Variants in ANKRD23 observed in about 807,000 individuals in gnomAD.
ANKRD23 encodes the protein ankyrin repeat domain-containing protein 23.
Under a neutral mutation model 38.1 loss-of-function variants are expected in ANKRD23, and 52 were observed. The observed-to-expected ratio is 1.36, with a 90% confidence interval of 1.09 to 1.72. The LOEUF is 1.72. ANKRD23 is among the 40% of genes most tolerant of loss of function. The pLI, the probability that ANKRD23 is intolerant of heterozygous loss-of-function variation, is 0.00. For synonymous variants in ANKRD23, 167 were observed against 162.9 expected, an observed-to-expected ratio of 1.03 and a Z score of -0.19; for missense variants, 416 against 400.2, an observed-to-expected ratio of 1.04 and a Z score of -0.34.
Position 96,838,701 on chromosome 2 carries a change from C to T in ANKRD23, c.*848G>A, listed in dbSNP as rs2079721055. On this transcript the variant is annotated 3_prime_UTR_variant, in exon 9 of 9. Coordinates refer to ENST00000318357, the MANE Select transcript of ANKRD23 (RefSeq NM_144994.8). The stretch of plus-strand genomic sequence containing the variant: ...AGAGTTGAGTGGGCCACAAGCAATC[C>T]CCAGTGCCCAGGCGCTTCCCCATGA... 3.1e-5 allele frequency: 31 copies of T among 985,650 alleles called. 3 individuals are homozygous for T. The African/African-American group carries it at 3.7e-4, about 12-fold the overall frequency. The allele number at this position is 985,650 out of a possible 1,614,324, so 61.1% of individuals were successfully genotyped here.
chr2:96,839,709 G>T lies in ANKRD23; in HGVS notation c.822+18C>A. The stretch of plus-strand genomic sequence containing the variant: ...CACCCGCCCTCGGGTCAGGAGCCAG[G>T]GCTGCGCCCACACTCACCGCGTTCC... On this transcript the variant is annotated intron_variant, in intron 8 of 8. Coordinates refer to ENST00000318357, the MANE Select transcript of ANKRD23 (RefSeq NM_144994.8). The T allele has an allele frequency of 6.2e-7, 1 of 1,611,240 alleles. No homozygotes were observed.
chr2:96,840,899 G>A lies in ANKRD23; in HGVS notation c.314C>T (p.Ala105Val), dbSNP rs2079752923. 1 of 1,613,962 alleles carries A rather than the reference G, an allele frequency of 6.2e-7. No individual in the cohort carries two copies. Among genetic ancestry groups the A allele is most frequent in the Non-Finnish European group, 8.5e-7 (1 of 1,180,018 alleles). ...CTCCAGGCCCACAGGCTCCACCTGG[G>A]CCTGGGACTGCGGCTGGTTCAGTTG... Reference protein sequence around the residue: ...PEPLVKPQSQAQVEPVGLEMF... With the variant: ...PEPLVKPQSQVQVEPVGLEMF... Residue 105 changes from alanine (A) to valine (V), a missense_variant, in exon 4 of 9, where the codon GCC (alanine) becomes GTC (valine). Physicochemically the swap from Ala to Val is moderately conservative, Grantham distance 64. Coordinates refer to ENST00000318357, the MANE Select transcript of ANKRD23 (RefSeq NM_144994.8).
rs532023178 is a variant in ANKRD23, at chr2:96,838,570, G to A, written c.*979C>T. The stretch of plus-strand genomic sequence containing the variant: ...TGGCCTCCCAGGTGGGATCAAGCAG[G>A]GTGGGTGCAGCTGCAGCGTTCCAGG... On this transcript the variant is annotated 3_prime_UTR_variant, in exon 9 of 9. Coordinates refer to ENST00000318357, the MANE Select transcript of ANKRD23 (RefSeq NM_144994.8). The A allele has an allele frequency of 1.7e-3, 1,666 of 985,818 alleles. 2 individuals are homozygous for A. The highest frequency in any genetic ancestry group is 2.0e-3 in the Non-Finnish European group (1,624 of 830,294). 61.1% of individuals were successfully genotyped at this position (985,818 alleles called of 1,614,324 possible).
intron 1 of ANKRD23, among the ~76,000 whole-genome samples, chr2:96,843,354 G>A (rs566302581): frequency 7.2e-5 from 11 of 152,100 alleles, no homozygotes; most frequent in South Asian, 4.2e-4. Flanking sequence ...CAGGCCCCTC[G>A]TCACTCAAAC....
Position 96,838,490 on chromosome 2 carries a change from G to A in ANKRD23, c.*1059C>T. Reference sequence around the variant, plus strand: ...GGATGGGAAGGGCTGGGGGGCGGCGGGGGCTCACCTTCCTCTGCTTCCCTG... The same window carrying A: ...GGATGGGAAGGGCTGGGGGGCGGCGAGGGCTCACCTTCCTCTGCTTCCCTG... On this transcript the variant is annotated 3_prime_UTR_variant, in exon 9 of 9. Transcript: ENST00000318357. The A allele has an allele frequency of 1.0e-6, 1 of 986,506 alleles. No individual in the cohort carries two copies. The allele number at this position is 986,506 out of a possible 1,614,324, so 61.1% of individuals were successfully genotyped here.
Position 96,840,250 on chromosome 2 carries a change from C to T in ANKRD23, c.606G>A (p.Arg202=), listed in dbSNP as rs750811588. ...ILKQLLNQGA[R]VNARDKIGST... Reference sequence around the variant, plus strand: ...CCCTCACCTTGTCCCGGGCATTGACCCGGGCTCCCTGGTTAAGCAGCTGTT... The same window carrying T: ...CCCTCACCTTGTCCCGGGCATTGACTCGGGCTCCCTGGTTAAGCAGCTGTT... The change falls in exon 6 of 9, where the codon CGG becomes CGA. Residue 202 remains arginine, a synonymous_variant. Transcript: ENST00000318357. The T allele has an allele frequency of 1.2e-6, 2 of 1,611,228 alleles. No homozygotes were observed. Among genetic ancestry groups the T allele is most frequent in the Non-Finnish European group, 1.7e-6 (2 of 1,178,642 alleles).
In ANKRD23 at chr2:96,840,433, C is replaced by T. The variant is rs768240120; in HGVS notation, c.508G>A (p.Val170Met). 5 of 1,614,070 alleles carry T rather than the reference C, an allele frequency of 3.1e-6. No individual in the cohort carries two copies. Among genetic ancestry groups the T allele is most frequent in the Non-Finnish European group, 4.2e-6 (5 of 1,180,026 alleles). The part of the protein sequence containing the change: ...VNKLLVAGAT[V>M]DARDLLDRTP... ...ATCCTCACCAAGTCTCGCGCGTCCACTGTGGCACCTGCCACCAGCAGCTTG... is the reference window on the plus strand; with the variant it reads ...ATCCTCACCAAGTCTCGCGCGTCCATTGTGGCACCTGCCACCAGCAGCTTG... The change falls in exon 5 of 9, where the codon GTG becomes ATG. Residue 170 changes from valine to methionine, a missense_variant. By Grantham distance (21) the Val-to-Met change is conservative. Coordinates refer to ENST00000318357, the MANE Select transcript of ANKRD23 (RefSeq NM_144994.8).
At chr2:96,842,267 G>A (rs1169752776) in intron 2 of ANKRD23, 82 bp from the exon 3 acceptor site, 1 of 1,606,504 alleles carries the variant, frequency 6.2e-7, no homozygotes, top group African/African-American at 1.3e-5. Context: ...GACACCAGCT[G>A]CTCAGGCTGC....
In ANKRD23 at chr2:96,840,061, G is replaced by A. The variant is rs1205358739; in HGVS notation, c.659C>T (p.Thr220Ile). 6.4e-7 allele frequency: 1 copy of A among 1,562,322 alleles called. No homozygotes were observed. Among genetic ancestry groups the A allele is most frequent in the South Asian group, 1.2e-5 (1 of 84,894 alleles). ...GSTPLHVAVR[T>I]RHPDCLEHLI... ...GTGCTCCAGGCAGTCGGGGTGCCGG[G>A]TGCGCACTGCCACGTGCAGGGGGGT... Residue 220 changes from threonine (T) to isoleucine (I), a missense_variant, in exon 7 of 9, where the codon ACC (threonine) becomes ATC (isoleucine). Thr to Ile is a moderately conservative substitution (Grantham distance 89). Transcript: ENST00000318357.
In ANKRD23 at chr2:96,839,179, A is replaced by G. The variant is rs993803418; in HGVS notation, c.*370T>C. 13 of 1,031,530 alleles carry G rather than the reference A, an allele frequency of 1.3e-5. No individual in the cohort carries two copies. The African/African-American group carries it at 1.9e-4, about 15-fold the overall frequency. 63.9% of individuals were successfully genotyped at this position (1,031,530 alleles called of 1,614,324 possible). A position where few individuals can be genotyped will look rare whatever the true frequency, so the allele number is the denominator to read the frequency against. On this transcript the variant is annotated 3_prime_UTR_variant, in exon 9 of 9. Transcript: ENST00000318357. Reference sequence around the variant, plus strand: ...GCCCCCTAACCTGGGACAAGTGGACACTGAGGACTCCCAGACCCAGCCCTG... The same window carrying G: ...GCCCCCTAACCTGGGACAAGTGGACGCTGAGGACTCCCAGACCCAGCCCTG...
Position 96,838,403 on chromosome 2 carries a change from A to G in ANKRD23, c.*1146T>C. ...CCTACACCAGTGTAATTTGAAACGT[A>G]CAGACGGTGGAAGAGGAAGTCTAGG... On this transcript the variant is annotated 3_prime_UTR_variant, in exon 9 of 9. Coordinates refer to ENST00000318357, the MANE Select transcript of ANKRD23 (RefSeq NM_144994.8). The G allele has an allele frequency of 2.0e-6, 2 of 988,146 alleles. No individual in the cohort carries two copies. Among genetic ancestry groups the G allele is most frequent in the South Asian group, 4.7e-5 (1 of 21,378 alleles). The allele number at this position is 988,146 out of a possible 1,614,324, so 61.2% of individuals were successfully genotyped here.
intron 3 of ANKRD23, among the ~76,000 whole-genome samples, chr2:96,841,598 CAAAA>C (rs564581027): frequency 1.7e-4 from 6 of 36,102 alleles, no homozygotes; most frequent in East Asian, 9.0e-4. Flanking sequence ...GACTCCGTCT[CAAAA>C]AAAAAAAAAA....
At position 96,840,780 on chromosome 2, in the gene ANKRD23, G is replaced by A. The variant is rs939214919; in HGVS notation, c.426+7C>T. 4 of 1,614,124 alleles carry A rather than the reference G, an allele frequency of 2.5e-6. No individual in the cohort carries two copies. Among genetic ancestry groups the A allele is most frequent in the Middle Eastern group, 1.6e-4 (1 of 6,062 alleles). Reference sequence around the variant, plus strand: ...TGCTGCCAGCCGACTCACCCAACCTGTGCTACCTTGTCATGGGCATTGGGG... The same window carrying A: ...TGCTGCCAGCCGACTCACCCAACCTATGCTACCTTGTCATGGGCATTGGGG... On this transcript the variant is annotated splice_region_variant and intron_variant, in intron 4 of 8. Coordinates refer to ENST00000318357, the MANE Select transcript of ANKRD23 (RefSeq NM_144994.8).
chr2:96,841,142 G>A, intron 3 of ANKRD23: 1 of 504,438 alleles, frequency 2.0e-6, no homozygotes. Context: ...TTCGTATGAA[G>A]TACTAACCCC....
intron 1 of ANKRD23, among the ~76,000 whole-genome samples, chr2:96,843,198 T>A (rs2079780139): frequency 6.6e-6 from 1 of 152,104 alleles, no homozygotes; most frequent in Admixed American, 6.5e-5. Flanking sequence ...GGGTAACAGA[T>A]CCTAGGACTT....
At chr2:96,843,717 G>T (rs1156255422) in intron 1 of ANKRD23, among the ~76,000 whole-genome samples, 1 of 152,102 alleles carries the variant, frequency 6.6e-6, no homozygotes, top group African/African-American at 2.4e-5. Flanking sequence ...GGGGGTACAC[G>T]CCTGGAGTCC....
chr2:96,841,598 CAAAAAAAAAAAAAA>C (rs564581027), intron 3 of ANKRD23, among the ~76,000 whole-genome samples: 2 of 36,104 alleles, frequency 5.5e-5, no homozygotes. Flanking sequence ...GACTCCGTCT[CAAAAAAAAAAAAAA>C]AAAAAAAAAA....
chr2:96,841,939 A>C lies in ANKRD23; in HGVS notation c.300+121T>G, dbSNP rs2079766437. The stretch of plus-strand genomic sequence containing the variant: ...TCCGCGGGGGCTCTGGAGTGGATTT[A>C]ATGGGCTCCCCAGGCACTGGCTGTG... On this transcript the variant is annotated intron_variant, in intron 3 of 8. Transcript: ENST00000318357. 8.3e-6 allele frequency: 12 copies of C among 1,441,154 alleles called. No homozygotes were observed. In the South Asian group the frequency reaches 1.5e-4, roughly 18 times the overall value. The allele number at this position is 1,441,154 out of a possible 1,614,324, so 89.3% of individuals were successfully genotyped here.
rs545635357 is a variant in ANKRD23, at chr2:96,843,716, C to T, written c.27+250G>A. 2.2e-4 allele frequency among the ~76,000 whole-genome samples: 34 copies of T among 152,272 alleles called. No homozygotes were observed. In the South Asian group the frequency reaches 6.2e-3, roughly 28 times the overall value. On this transcript the variant is annotated intron_variant, in intron 1 of 8. Transcript: ENST00000318357. ...ACGCTCAGCCGGGTGTGGGGGTACACGCCTGGAGTCCCAGCTACTTGGGAG... is the reference window on the plus strand; with the variant it reads ...ACGCTCAGCCGGGTGTGGGGGTACATGCCTGGAGTCCCAGCTACTTGGGAG...
Sources: gnomAD v4.1 joint callset for allele counts (sites outside exome capture counted in the v4.1 genomes callset) on GRCh38, gnomAD v4.1.1 for gene constraint, MANE v1.5 for transcripts, NCBI Gene and HGNC (gene_info 2026-07-23, HGNC 2026-07-21) for gene names.